Variants in PDXDC1 observed in about 807,000 individuals in gnomAD.
PDXDC1 encodes pyridoxal dependent decarboxylase domain containing 1, also known as pyridoxal-dependent decarboxylase domain-containing protein 1.
Under a neutral mutation model 100.1 loss-of-function variants are expected in PDXDC1, and 42 were observed. The observed-to-expected ratio is 0.42, with a 90% CI of 0.33 to 0.54. The LOEUF (loss-of-function observed/expected upper bound fraction) is 0.54. Among genes scored for constraint, PDXDC1 ranks in the 20% least tolerant of loss-of-function variants. PDXDC1 has a pLI of 0.10. For missense variants in PDXDC1, 636 were observed against 979.2 expected (o/e 0.65, Z 4.68); for synonymous variants, 260 against 371.7 (o/e 0.70, Z 3.46).
chr16:15,035,095 G>A (rs1301029823), intron 21 of PDXDC1, among the ~76,000 whole-genome samples: 1 of 152,138 alleles, frequency 6.6e-6, no homozygotes, highest in Non-Finnish European at 1.5e-5. Flanking sequence ...TCTTTCCCAG[G>A]AAACGATGAC....
At chr16:15,033,090 C>G (rs1055063796) in intron 18 of PDXDC1, 111 bp downstream of exon 18, 40 of 971,454 alleles carry the variant, frequency 4.1e-5, no homozygotes, top group Middle Eastern at 2.1e-4. Flanking sequence ...GGCTGGGTTC[C>G]AGGCGAAGAT....
At chr16:15,047,697 A>G in intron 16 of PDXDC1, 3 of 902,436 alleles carry the variant, frequency 3.3e-6, no homozygotes, top group Non-Finnish European at 5.5e-6. Flanking sequence ...CAGCCAACCC[A>G]TTCTGACCAG....
intron 16 of PDXDC1, among the ~76,000 whole-genome samples, chr16:15,030,486 C>T (rs1371733422): frequency 2.3e-5 from 3 of 127,932 alleles, no homozygotes; most frequent in Non-Finnish European, 3.1e-5. Flanking sequence ...GCCGAGGTTG[C>T]AGTGAGCTGA....
rs1249294254 is a variant in PDXDC1 at position 15,110,769 on chromosome 16, G to C, written c.1400-28110G>C. On this transcript the variant is annotated intron_variant, in intron 16 of 16. Coordinates refer to the PDXDC1 transcript ENST00000535621. Reference sequence around the variant, plus strand: ...CCTCCTGGCTCTCTGCTGTACATCCGTGGATCCATCATGTCCATTTTGAGA... The same window carrying C: ...CCTCCTGGCTCTCTGCTGTACATCCCTGGATCCATCATGTCCATTTTGAGA... 7 of 1,586,744 alleles carry C rather than the reference G, an allele frequency of 4.4e-6. No individual in the cohort carries two copies. The Middle Eastern group carries it at 1.4e-3, about 309-fold the overall frequency.
At position 15,095,956 on chromosome 16, in the gene PDXDC1, G is replaced by A. The variant is rs2046342772; in HGVS notation, c.1400-42923G>A. ...GGGCAACATATGGTGGTGCATACCT[G>A]TAGTCCCAGCTACTTGAAAACTGAG... is the stretch of plus-strand genomic sequence containing the variant. On this transcript the variant is annotated intron_variant, in intron 16 of 16. Transcript: ENST00000535621. Among the ~76,000 whole-genome samples the A allele has an allele frequency of 2.0e-5, 3 of 151,536 alleles. No individual in the cohort carries two copies. In the South Asian group the frequency reaches 6.3e-4, roughly 32 times the overall value.
chr16:15,004,856 G>A (rs1973924596), intron 5 of PDXDC1, among the ~76,000 whole-genome samples: 1 of 152,270 alleles, frequency 6.6e-6, no homozygotes, highest in Non-Finnish European at 1.5e-5. Context: ...CTAATACGAT[G>A]TAAATGCTGT....
intron 1 of PDXDC1, among the ~76,000 whole-genome samples, chr16:14,976,162 C>T (rs1274315067): frequency 2.0e-5 from 3 of 152,300 alleles, no homozygotes; most frequent in African/African-American, 7.2e-5. Context: ...CGGTACCTGA[C>T]ATTCTGCCCT....
At chr16:14,975,712 A>G in intron 1 of PDXDC1, 1 of 977,924 alleles carries the variant, frequency 1.0e-6, no homozygotes, top group Non-Finnish European at 1.2e-6. Context: ...AGTGGGAATC[A>G]CCTGGGGCCT....
chr16:15,060,500 G>A (rs1735408494), intron 16 of PDXDC1: 1 of 154,334 alleles, frequency 6.5e-6, no homozygotes, highest in African/African-American at 2.4e-5. Flanking sequence ...AGAAAATATT[G>A]CTTGCCTTTA....
intron 11 of PDXDC1, among the ~76,000 whole-genome samples, chr16:15,018,030 T>C (rs2041923576): frequency 1.3e-5 from 2 of 152,152 alleles, no homozygotes; most frequent in Non-Finnish European, 2.9e-5. Context: ...TCAGGTGATC[T>C]GCCTGCCTCG....
chr16:15,071,337 A>G (rs2045218532), intron 16 of PDXDC1: 1 of 1,281,670 alleles, frequency 7.8e-7, no homozygotes, highest in Admixed American at 2.3e-5. Flanking sequence ...TACTTCACCA[A>G]TGTAGGGAAA....
chr16:15,089,115 C>T (rs1487214896), intron 16 of PDXDC1, among the ~76,000 whole-genome samples: 2 of 151,746 alleles, frequency 1.3e-5, no homozygotes, highest in Non-Finnish European at 2.9e-5. Flanking sequence ...GCAGCCTGGC[C>T]AGCATGGTGA....
intron 16 of PDXDC1, among the ~76,000 whole-genome samples, chr16:15,122,116 A>G (rs2047450316): frequency 6.6e-6 from 1 of 152,068 alleles, no homozygotes; most frequent in East Asian, 1.9e-4. Context: ...GTGAGCCGAG[A>G]TCTTGCCACT....
At chr16:15,033,027 G>A in intron 18 of PDXDC1, 48 bp downstream of exon 18, 1 of 1,215,904 alleles carries the variant, frequency 8.2e-7, no homozygotes, top group Non-Finnish European at 1.2e-6. Context: ...AAGGACACTT[G>A]GTAACCGGCT....
chr16:14,986,891 C>T (rs1396476369), intron 1 of PDXDC1, among the ~76,000 whole-genome samples: 2 of 152,392 alleles, frequency 1.3e-5, no homozygotes, highest in East Asian at 3.9e-4. Context: ...GGACTACAGG[C>T]GCACACCGCC....
intron 16 of PDXDC1, chr16:15,071,333 A>C (rs2045218429): frequency 7.5e-7 from 1 of 1,334,478 alleles, no homozygotes; most frequent in Admixed American, 2.3e-5. Flanking sequence ...TTTTTACTTC[A>C]CCAATGTAGG....
rs376260058 is a variant in PDXDC1, at chr16:15,053,815, G to T, written c.1399+23759G>T. ...AATCCCAGCTACTTGGGAGGCTGAG[G>T]CAGGAGAATCGCTTGAACCTTGGGA... On this transcript the variant is annotated intron_variant, in intron 16 of 16. Coordinates refer to the PDXDC1 transcript ENST00000535621. 2.0e-5 allele frequency among the ~76,000 whole-genome samples: 3 copies of T among 152,100 alleles called. No individual in the cohort carries two copies. In the South Asian group the frequency reaches 6.2e-4, roughly 31 times the overall value.
chr16:15,043,361 T>C (rs1249280928), intron 16 of PDXDC1, among the ~76,000 whole-genome samples: 1 of 152,192 alleles, frequency 6.6e-6, no homozygotes, highest in Non-Finnish European at 1.5e-5. Context: ...TTAAGAGTTA[T>C]GGCGAGACCC....
intron 16 of PDXDC1, chr16:15,135,928 G>C (rs951351325): frequency 1.4e-5 from 22 of 1,580,458 alleles, no homozygotes; most frequent in Non-Finnish European, 1.5e-5. Flanking sequence ...GCTGAGGCCG[G>C]CTCACGTCCA....
Sources: allele counts gnomAD v4.1 joint callset (sites outside exome capture counted in the v4.1 genomes callset), GRCh38; gene constraint gnomAD v4.1.1; transcripts MANE v1.5; gene names NCBI Gene and HGNC (gene_info 2026-07-23, HGNC 2026-07-21).